MTHFD1L: variants seen among roughly 807,000 people sequenced by gnomAD.
MTHFD1L encodes the protein methylenetetrahydrofolate dehydrogenase (NADP+ dependent) 1 like.
In MTHFD1L, 81 loss-of-function variants were observed where a neutral mutation model predicts 119.5. The ratio of observed to expected loss-of-function variants is 0.68; its 90% confidence interval spans 0.57 to 0.82. The LOEUF is 0.82. Among genes scored for constraint, MTHFD1L ranks in the 40% least tolerant of loss-of-function variants. MTHFD1L has a pLI of 0.00. For missense variants in MTHFD1L, 1,125 were observed against 1,253.4 expected (o/e 0.90, Z 1.55); for synonymous variants, 430 against 475.2 (o/e 0.90, Z 1.24).
intron 26 of MTHFD1L, among the ~76,000 whole-genome samples, chr6:151,072,231 A>G (rs1468439214): frequency 1.3e-5 from 2 of 152,190 alleles, no homozygotes; most frequent in Non-Finnish European, 2.9e-5. Flanking sequence ...AAATGAATGA[A>G]ATTTTGGCTC....
At chr6:151,013,724 G>A (rs1245594242) in intron 21 of MTHFD1L, 55 bp from the exon 22 acceptor site, 8 of 1,442,026 alleles carry the variant, frequency 5.5e-6, no homozygotes, top group South Asian at 1.2e-5. Context: ...CTTTCAGATC[G>A]GTTGTGTAAG....
chr6:150,969,618 T>G (rs1291420487), intron 19 of MTHFD1L, among the ~76,000 whole-genome samples: 7 of 152,020 alleles, frequency 4.6e-5, no homozygotes, highest in African/African-American at 1.4e-4. Context: ...CAAGAACTCC[T>G]CAACCTAAAC....
intron 9 of MTHFD1L, 107 bp downstream of exon 9, chr6:150,918,775 C>A: frequency 1.2e-6 from 1 of 850,590 alleles, no homozygotes; most frequent in Non-Finnish European, 2.0e-6. Context: ...TTAAACACTT[C>A]ACACACAGTG....
chr6:150,876,138 A>G lies in MTHFD1L; in HGVS notation c.276A>G (p.Lys92=). The change falls in exon 2 of 28, where the codon AAA becomes AAG. Residue 92 remains lysine (K), a synonymous_variant. Coordinates refer to ENST00000367321, the MANE Select transcript of MTHFD1L (RefSeq NM_015440.5). ...AAGTTCTAAGTTTATTGCAAGAAAA[A>G]AACCCTGCCTTCAAGCCGGTTCTTG... ...SKEVLSLLQE[K]NPAFKPVLAI... 1.9e-6 allele frequency: 3 copies of G among 1,605,700 alleles called. No individual in the cohort carries two copies. The highest frequency in any genetic ancestry group is 2.6e-6 in the Non-Finnish European group (3 of 1,175,934).
rs143598649 is a variant in MTHFD1L, at chr6:150,896,308, A to T, written c.780+8327A>T. On this transcript the variant is annotated intron_variant, in intron 7 of 27. Coordinates refer to ENST00000367321, the MANE Select transcript of MTHFD1L (RefSeq NM_015440.5). ...CAGAGCCATACTTGTTAATGAGCTG[A>T]AGTAGAGTGAATGCTGTCCCCTCCC... is the stretch of plus-strand genomic sequence containing the variant. Among the ~76,000 whole-genome samples the T allele has an allele frequency of 2.1e-3, 320 of 152,332 alleles. 3 individuals carry two copies. Among genetic ancestry groups the T allele is most frequent in the African/African-American group, 7.2e-3 (298 of 41,576 alleles).
chr6:150,947,429 A>G (rs9478152), intron 15 of MTHFD1L, among the ~76,000 whole-genome samples: 43,272 of 151,324 alleles, frequency 0.29, 7,119 homozygotes, highest in East Asian at 0.46. Flanking sequence ...TATTTACACA[A>G]AATAAATAGG....
rs565927842 is a variant in MTHFD1L at position 150,975,102 on chromosome 6, T to G, written c.2125+3044T>G. On this transcript the variant is annotated intron_variant, in intron 20 of 27. Transcript: ENST00000367321. ...GTATGGATAGACCATACTTTGTTTA[T>G]CCACTCATCCTACATTGGACATTTG... 2.0e-5 allele frequency among the ~76,000 whole-genome samples: 3 copies of G among 152,338 alleles called. No homozygotes were observed. The South Asian group carries it at 6.2e-4, about 32-fold the overall frequency.
chr6:151,057,169 G>A (rs1790073551), intron 26 of MTHFD1L: 5 of 984,584 alleles, frequency 5.1e-6, no homozygotes, highest in Non-Finnish European at 6.0e-6. Flanking sequence ...ACTGAATCTT[G>A]ACTCTGCTCC....
chr6:150,910,628 C>T (rs1239804118), intron 8 of MTHFD1L, among the ~76,000 whole-genome samples: 1 of 151,792 alleles, frequency 6.6e-6, no homozygotes, highest in African/African-American at 2.4e-5. Context: ...AATAAGCTCT[C>T]TGATTAATTA....
At chr6:150,982,194 T>A (rs1777604898) in intron 20 of MTHFD1L, among the ~76,000 whole-genome samples, 1 of 151,778 alleles carries the variant, frequency 6.6e-6, no homozygotes, top group Non-Finnish European at 1.5e-5. Context: ...TTTAAAAGGA[T>A]AAATAATTTT....
intron 24 of MTHFD1L, among the ~76,000 whole-genome samples, chr6:151,024,401 G>T (rs112750669): frequency 1.3e-5 from 2 of 152,104 alleles, no homozygotes; most frequent in African/African-American, 4.8e-5. Context: ...AATTAGCCAG[G>T]CATAGTGGCA....
chr6:150,895,342 GCCCTGCT>G lies in MTHFD1L; in HGVS notation c.780+7366_780+7372del, dbSNP rs142152193. Among the ~76,000 whole-genome samples, 99 of 152,318 alleles carry G rather than the reference GCCCTGCT, an allele frequency of 6.5e-4. 1 individual carries two copies. Among genetic ancestry groups the G allele is most frequent in the African/African-American group, 2.1e-3 (86 of 41,570 alleles). On this transcript the variant is annotated intron_variant, in intron 7 of 27. Coordinates refer to ENST00000367321, the MANE Select transcript of MTHFD1L (RefSeq NM_015440.5). ...GGGAGAGGTGGGCAGGTACGGCAGGGCCCTGCTCCCTCGGGAGTCTCCTCTGAACCTG... is the reference window on the plus strand; with the variant it reads ...GGGAGAGGTGGGCAGGTACGGCAGGGCCCTCGGGAGTCTCCTCTGAACCTG...
chr6:150,956,177 C>A, intron 17 of MTHFD1L, 106 bp downstream of exon 17: 1 of 1,118,132 alleles, frequency 8.9e-7, no homozygotes, highest in Non-Finnish European at 1.3e-6. Context: ...CCTGTTGTGG[C>A]CAGTGGTTCT....
intron 11 of MTHFD1L, among the ~76,000 whole-genome samples, chr6:150,930,429 C>T (rs1790840120): frequency 6.6e-6 from 1 of 152,208 alleles, no homozygotes; most frequent in Admixed American, 6.5e-5. Flanking sequence ...AATGACCCCT[C>T]CATTAAATGG....
intron 8 of MTHFD1L, among the ~76,000 whole-genome samples, chr6:150,908,266 G>T (rs1484246492): frequency 6.6e-6 from 1 of 151,732 alleles, no homozygotes; most frequent in Non-Finnish European, 1.5e-5. Context: ...ATTCTACTCT[G>T]CTTGTAGTTT....
Position 151,039,985 on chromosome 6 carries a change from T to C in MTHFD1L, c.2847+2868T>C, listed in dbSNP as rs1423205047. Among the ~76,000 whole-genome samples, 1 of 151,970 alleles carries C rather than the reference T, an allele frequency of 6.6e-6. No homozygotes were observed. The highest frequency in any genetic ancestry group is 1.5e-5 in the Non-Finnish European group (1 of 68,014). On this transcript the variant is annotated intron_variant, in intron 26 of 27. Transcript: ENST00000367321. The surrounding 1 kb of genome is among the most constrained non-coding windows in gnomAD (Gnocchi z 4.4). ...ACATGCATACATAGAATGGCCTCAG[T>C]GATGGCCACTTTACTCCTGAGCTTT... is the stretch of plus-strand genomic sequence containing the variant.
rs535734550 is a variant in MTHFD1L at position 150,891,465 on chromosome 6, TAA to T, written c.780+3485_780+3486del. Among the ~76,000 whole-genome samples, 19 of 148,162 alleles carry T rather than the reference TAA, an allele frequency of 1.3e-4. No homozygotes were observed. The South Asian group carries it at 3.6e-3, about 28-fold the overall frequency. ...TAATCCTTATATATATATAGAATCT[TAA>T]TATATATATTTAGGTCAGGACATTT... On this transcript the variant is annotated intron_variant, in intron 7 of 27. Transcript: ENST00000367321.
At chr6:151,000,687 C>T (rs1020382868) in intron 20 of MTHFD1L, among the ~76,000 whole-genome samples, 46 of 152,310 alleles carry the variant, frequency 3.0e-4, no homozygotes, top group Middle Eastern at 3.4e-3. Flanking sequence ...CATTACAATC[C>T]TCACTTTCTC....
At chr6:151,084,437 C>T (rs573526943) in intron 26 of MTHFD1L, among the ~76,000 whole-genome samples, 4 of 152,028 alleles carry the variant, frequency 2.6e-5, no homozygotes, top group East Asian at 3.9e-4. Context: ...TACCTGGGGT[C>T]GGGGCTGGGG....
Sources: allele counts gnomAD v4.1 joint callset (sites outside exome capture counted in the v4.1 genomes callset), GRCh38; gene constraint gnomAD v4.1.1; non-coding constraint Gnocchi (gnomAD v3.1); transcripts MANE v1.5; gene names NCBI Gene and HGNC (gene_info 2026-07-23, HGNC 2026-07-21).